The following GLRX2 variants were observed in gnomAD, a reference collection of about 807,000 sequenced individuals.
GLRX2 encodes glutaredoxin 2, also known as bA101E13.1 (GRX2 glutaredoxin (thioltransferase) 2).
Under a neutral mutation model 16.4 loss-of-function variants are expected in GLRX2, and 12 were observed. The ratio of observed to expected loss-of-function variants is 0.73; its 90% CI spans 0.47 to 1.19. The LOEUF (loss-of-function observed/expected upper bound fraction) is 1.19, where lower values mean the gene tolerates loss of function less well. Among genes scored for constraint, GLRX2 ranks in the 50% most tolerant of loss-of-function variants. GLRX2 has a pLI of 0.00. For missense variants in GLRX2, 201 were observed against 201.8 expected (o/e 1.00, Z 0.02); for synonymous variants, 95 against 76.2 (o/e 1.25, Z -1.28).
chr1:193,105,643 G>C, upstream of GLRX2: 1 of 1,593,598 alleles, frequency 6.3e-7, no homozygotes. Flanking sequence ...GTTCATCCGA[G>C]CCCCGCCTCT....
chr1:193,096,802 C>A (rs771221874), intron 3 of GLRX2, 43 bp from the exon 4 acceptor site: 1 of 1,494,126 alleles, frequency 6.7e-7, no homozygotes, highest in Non-Finnish European at 9.2e-7. Flanking sequence ...ACTCTAGTAT[C>A]AGAACTAAGA....
rs1330945288 is a variant in GLRX2 at position 193,105,248 on chromosome 1, C to A, written c.119+16G>T. 6 of 1,532,468 alleles carry A rather than the reference C, an allele frequency of 3.9e-6. No homozygotes were observed. In the Middle Eastern group the frequency reaches 9.3e-4, roughly 237 times the overall value. 94.9% of individuals were successfully genotyped at this position (1,532,468 alleles called of 1,614,324 possible). A position where few individuals can be genotyped will look rare whatever the true frequency, so the allele number is the denominator to read the frequency against. Reference sequence around the variant, plus strand: ...TGCGCACCACGCCGCGGCACTCCTGCCCGCTGACCCCGTACCCAGAGGCCG... The same window carrying A: ...TGCGCACCACGCCGCGGCACTCCTGACCGCTGACCCCGTACCCAGAGGCCG... On this transcript the variant is annotated intron_variant, in intron 1 of 3. Coordinates refer to ENST00000367439, the MANE Select transcript of GLRX2 (RefSeq NM_197962.3).
At position 193,099,945 on chromosome 1, in the gene GLRX2, A is replaced by C. The variant is rs533582341; in HGVS notation, c.183+1196T>G. Among the ~76,000 whole-genome samples the C allele has an allele frequency of 3.3e-5, 5 of 152,262 alleles. No homozygotes were observed. The East Asian group carries it at 9.7e-4, about 29-fold the overall frequency. On this transcript the variant is annotated intron_variant, in intron 2 of 3. Transcript: ENST00000367439. ...TGGGATTTGACTCAACCTTGTCACA[A>C]CACCAAAGCCAGTGCTCTTCCCTCC...
chr1:193,097,975 C>T (rs1459533152), intron 2 of GLRX2, among the ~76,000 whole-genome samples: 2 of 152,082 alleles, frequency 1.3e-5, no homozygotes, highest in Non-Finnish European at 2.9e-5. Flanking sequence ...TGGCATAGAG[C>T]AATAACAATA....
At position 193,097,707 on chromosome 1, in the gene GLRX2, G is replaced by A. The variant is rs754658256; in HGVS notation, c.237C>T (p.Tyr79=). Residue 79 remains tyrosine, a synonymous_variant, in exon 3 of 4, where the codon TAC becomes TAT. Coordinates refer to ENST00000367439, the MANE Select transcript of GLRX2 (RefSeq NM_197962.3). The part of the protein sequence containing the change: ...VVIFSKTSCS[Y]CTMAKKLFHD... ...GGAAAAGCTTTTTTGCCATTGTACA[G>A]TAAGAACAGGATGTTTTTGAGAAAA... is the stretch of plus-strand genomic sequence containing the variant. The A allele has an allele frequency of 6.2e-7, 1 of 1,610,604 alleles. No individual in the cohort carries two copies. Among genetic ancestry groups the A allele is most frequent in the Non-Finnish European group, 8.5e-7 (1 of 1,178,482 alleles).
chr1:193,096,543 T>A lies in GLRX2; in HGVS notation c.*82A>T. The A allele has an allele frequency of 4.2e-6, 3 of 716,972 alleles. No individual in the cohort carries two copies. Among genetic ancestry groups the A allele is most frequent in the African/African-American group, 1.8e-5 (1 of 56,566 alleles). The allele number at this position is 716,972 out of a possible 1,614,324, so 44.4% of individuals were successfully genotyped here. A position where few individuals can be genotyped will look rare whatever the true frequency, so the allele number is the denominator to read the frequency against. On this transcript the variant is annotated 3_prime_UTR_variant, in exon 4 of 4. Coordinates refer to ENST00000367439, the MANE Select transcript of GLRX2 (RefSeq NM_197962.3). ...GAAGACAATGCATGTATTTAAAACATCCTCAAACATTTAAAAGACATTATC... is the reference window on the plus strand; with the variant it reads ...GAAGACAATGCATGTATTTAAAACAACCTCAAACATTTAAAAGACATTATC...
chr1:193,105,130 A>C, intron 1 of GLRX2, 134 bp downstream of exon 1: 1 of 1,327,558 alleles, frequency 7.5e-7, no homozygotes, highest in Non-Finnish European at 9.8e-7. Context: ...GCGTGTTATG[A>C]CTCAGAGCCC....
intron 1 of GLRX2, among the ~76,000 whole-genome samples, chr1:193,104,902 A>G (rs1008758385): frequency 2.0e-5 from 3 of 152,252 alleles, no homozygotes; most frequent in Non-Finnish European, 2.9e-5. Flanking sequence ...CGTTTTTCCT[A>G]TGTCCACTGC....
At chr1:193,103,185 A>G (rs902370495) in intron 1 of GLRX2, among the ~76,000 whole-genome samples, 107 of 152,164 alleles carry the variant, frequency 7.0e-4, no homozygotes, top group Non-Finnish European at 2.9e-5. Context: ...GGAAAAAAAA[A>G]ATCACACGCT....
upstream of GLRX2, chr1:193,105,482 C>T (rs762901131): frequency 5.4e-6 from 8 of 1,488,970 alleles, no homozygotes; most frequent in Non-Finnish European, 4.4e-6. Flanking sequence ...CGCCCCGTCC[C>T]GCCCCTCCGG....
chr1:193,102,353 A>G (rs1277831083), intron 1 of GLRX2, among the ~76,000 whole-genome samples: 1 of 152,000 alleles, frequency 6.6e-6, no homozygotes, highest in Non-Finnish European at 1.5e-5. Context: ...ATAGCATGAA[A>G]TATTAGTCTT....
chr1:193,098,436 A>G (rs1465218117), intron 2 of GLRX2, among the ~76,000 whole-genome samples: 2 of 152,154 alleles, frequency 1.3e-5, no homozygotes, highest in Non-Finnish European at 1.5e-5. Flanking sequence ...GCTACTCAGA[A>G]GGCTGAGGCA....
chr1:193,104,255 G>A (rs1249919604), intron 1 of GLRX2, among the ~76,000 whole-genome samples: 1 of 152,144 alleles, frequency 6.6e-6, no homozygotes, highest in Non-Finnish European at 1.5e-5. Flanking sequence ...CGCGAACTAT[G>A]AATAGAAACA....
chr1:193,103,593 A>G (rs1046317970), intron 1 of GLRX2, among the ~76,000 whole-genome samples: 2 of 152,218 alleles, frequency 1.3e-5, no homozygotes, highest in African/African-American at 4.8e-5. Context: ...GGTTTTAGGC[A>G]TCCACCGAGG....
intron 1 of GLRX2, 45 bp from the exon 2 acceptor site, chr1:193,101,249 G>A: frequency 8.4e-7 from 1 of 1,187,002 alleles, no homozygotes; most frequent in Admixed American, 1.8e-5. Flanking sequence ...AAGCATTAAG[G>A]ATAATTTATC....
chr1:193,097,159 C>T (rs1457212609), intron 3 of GLRX2, among the ~76,000 whole-genome samples: 2 of 151,322 alleles, frequency 1.3e-5, no homozygotes, highest in East Asian at 2.0e-4. Context: ...TTGAAAGTGG[C>T]AACACTGTAC....
intron 2 of GLRX2, among the ~76,000 whole-genome samples, chr1:193,099,280 A>G (rs989793410): frequency 2.2e-4 from 33 of 152,006 alleles, no homozygotes; most frequent in African/African-American, 6.8e-4. Context: ...AATGCCTGGG[A>G]CCTTCAAAAG....
chr1:193,105,450 CG>C (rs1391485189), upstream of GLRX2: 14 of 1,447,566 alleles, frequency 9.7e-6, no homozygotes, highest in Non-Finnish European at 1.3e-5. Flanking sequence ...CCGCCTCCTC[CG>C]GCCCGGCCCC....
At chr1:193,099,731 C>T (rs1675035510) in intron 2 of GLRX2, among the ~76,000 whole-genome samples, 1 of 152,104 alleles carries the variant, frequency 6.6e-6, no homozygotes, top group Non-Finnish European at 1.5e-5. Flanking sequence ...TTATACCCAC[C>T]CTTGGGTGTC....
Sources: allele counts gnomAD v4.1 joint callset (sites outside exome capture counted in the v4.1 genomes callset), GRCh38; gene constraint gnomAD v4.1.1; transcripts MANE v1.5; gene names NCBI Gene and HGNC (gene_info 2026-07-23, HGNC 2026-07-21).